The following SMARCA4 variants were observed in gnomAD, a reference collection of about 807,000 sequenced individuals.
The protein encoded by SMARCA4 is SWI/SNF-related matrix-associated actin-dependent regulator of chromatin subfamily A member 4.
SMARCA4 carries 31 observed loss-of-function variants against 193.9 expected under a neutral mutation model. The ratio of observed to expected loss-of-function variants is 0.16; its 90% CI spans 0.12 to 0.22. The LOEUF is 0.22. Ranked by LOEUF, SMARCA4 falls within the 10% of genes least tolerant of loss-of-function variation. The pLI, the probability that SMARCA4 is intolerant of heterozygous loss-of-function variation, is 1.00. For missense variants in SMARCA4, 1,148 were observed against 2,296.0 expected (o/e 0.50, Z 10.22); for synonymous variants, 942 against 933.1 (o/e 1.01, Z -0.17).
Position 11,030,323 on chromosome 19 carries a change from G to A in SMARCA4, c.3383-407G>A, listed in dbSNP as rs1399914296. Among the ~76,000 whole-genome samples the A allele has an allele frequency of 6.6e-6, 1 of 152,250 alleles. No homozygotes were observed. The highest frequency in any genetic ancestry group is 1.5e-5 in the Non-Finnish European group (1 of 68,050). ...GGTCCCTTGTGTTGCGAGCGGCGGTGTTGCCGGCATTGGCCGCTGTGTCTT... is the reference window on the plus strand; with the variant it reads ...GGTCCCTTGTGTTGCGAGCGGCGGTATTGCCGGCATTGGCCGCTGTGTCTT... On this transcript the variant is annotated intron_variant, in intron 24 of 34. Transcript: ENST00000344626. The surrounding 1 kb of genome is among the most constrained non-coding windows in gnomAD (Gnocchi z 5.5).
In SMARCA4 at chr19:10,985,071, C is replaced by T. The variant is rs1371358922; in HGVS notation, c.223-202C>T. Among the ~76,000 whole-genome samples, 1 of 152,154 alleles carries T rather than the reference C, an allele frequency of 6.6e-6. No individual in the cohort carries two copies. Among genetic ancestry groups the T allele is most frequent in the Admixed American group, 6.5e-5 (1 of 15,282 alleles). On this transcript the variant is annotated intron_variant, in intron 2 of 34. Transcript: ENST00000344626. The surrounding 1 kb of genome is among the most constrained non-coding windows in gnomAD (Gnocchi z 4.5). ...TCCCATATGCTCGTGCTCCACTGGG[C>T]GACATTTATTTTGTGTACCTGTCTC... is the stretch of plus-strand genomic sequence containing the variant.
chr19:11,060,694 T>C (rs2076815169), intron 34 of SMARCA4, among the ~76,000 whole-genome samples: 1 of 152,214 alleles, frequency 6.6e-6, no homozygotes, highest in East Asian at 1.9e-4. Context: ...CTCTGGCCCT[T>C]CCTGGCTGTG....
intron 8 of SMARCA4, among the ~76,000 whole-genome samples, chr19:10,992,049 T>A (rs1352285239): frequency 6.6e-6 from 1 of 151,678 alleles, no homozygotes; most frequent in East Asian, 1.9e-4. Context: ...AGATTTTCTA[T>A]AATTAATATC....
chr19:10,980,558 C>A (rs531719756), intron 1 of SMARCA4, among the ~76,000 whole-genome samples: 59 of 152,048 alleles, frequency 3.9e-4, no homozygotes, highest in African/African-American at 1.3e-3. Flanking sequence ...CGCTTGAACC[C>A]CGGGGACGGA....
intron 8 of SMARCA4, among the ~76,000 whole-genome samples, chr19:10,993,128 G>C (rs1391429669): frequency 6.6e-6 from 1 of 151,670 alleles, no homozygotes; most frequent in Non-Finnish European, 1.5e-5. Context: ...TGGAATTACA[G>C]GTGTGCACCA....
intron 1 of SMARCA4, among the ~76,000 whole-genome samples, chr19:10,972,448 T>C (rs1239941366): frequency 6.6e-6 from 1 of 152,018 alleles, no homozygotes; most frequent in African/African-American, 2.4e-5. Flanking sequence ...TATGTGACAT[T>C]GTGTCATGTT....
intron 15 of SMARCA4, chr19:11,012,225 T>G (rs546015350): frequency 6.5e-6 from 1 of 153,140 alleles, no homozygotes; most frequent in African/African-American, 2.4e-5. Context: ...TACAAAAAAT[T>G]AGCTGGGCAT....
At chr19:11,050,993 A>G (rs1473277285) in intron 30 of SMARCA4, among the ~76,000 whole-genome samples, 1 of 152,234 alleles carries the variant, frequency 6.6e-6, no homozygotes, top group Non-Finnish European at 1.5e-5. Flanking sequence ...ATGCCCACTT[A>G]TGGGCATAGG....
chr19:11,047,346 C>T (rs916848199), intron 30 of SMARCA4, among the ~76,000 whole-genome samples: 27 of 151,736 alleles, frequency 1.8e-4, no homozygotes, highest in Non-Finnish European at 3.7e-4. Flanking sequence ...TTGAAGACAG[C>T]GCTGATGTTC....
chr19:10,965,968 TG>T (rs2016157680), intron 1 of SMARCA4, among the ~76,000 whole-genome samples: 2 of 138,830 alleles, frequency 1.4e-5, no homozygotes, highest in East Asian at 2.2e-4. Context: ...TTTAGTGGCA[TG>T]GTTTTTTTTT....
At position 11,060,146 on chromosome 19, in the gene SMARCA4, C is replaced by T. The variant is rs1555796335; in HGVS notation, c.4870C>T (p.Pro1624Ser). Residue 1624 changes from proline to serine, a missense_variant, in exon 34 of 35, where the codon CCG (proline) becomes TCG (serine). Physicochemically the swap from Pro to Ser is moderately conservative, Grantham distance 74. Coordinates refer to ENST00000344626, the MANE Select transcript of SMARCA4 (RefSeq NM_003072.5). ...RRPSRGSRAKPVVSDDDSEEE... is the reference protein window; with the variant it reads ...RRPSRGSRAKSVVSDDDSEEE... The stretch of plus-strand genomic sequence containing the variant: ...GCCGAGCCGAGGGTCCCGAGCCAAG[C>T]CGGTCGTGAGTGACGATGACAGTGA... 1.3e-6 allele frequency: 2 copies of T among 1,551,186 alleles called. No homozygotes were observed. The highest frequency in any genetic ancestry group is 1.7e-6 in the Non-Finnish European group (2 of 1,146,708).
At chr19:10,972,887 G>C (rs1296086234) in intron 1 of SMARCA4, among the ~76,000 whole-genome samples, 7 of 152,180 alleles carry the variant, frequency 4.6e-5, no homozygotes, top group African/African-American at 1.7e-4. Flanking sequence ...AAAGTGGACG[G>C]ATCATCGGCT....
In SMARCA4 at chr19:11,060,067, C is replaced by A; in HGVS notation, c.4791C>A (p.Ile1597=). Residue 1597 remains isoleucine (I), a synonymous_variant, in exon 34 of 35, where the codon ATC becomes ATA. Coordinates refer to ENST00000344626, the MANE Select transcript of SMARCA4 (RefSeq NM_003072.5). ...ESESRSVKVK[I]KLGRKEKAQD... ...CAGCTCGGTCCGTCAAAGTGAAGATCAAGCTTGGCCGGAAGGAGAAGGCAC... is the reference window on the plus strand; with the variant it reads ...CAGCTCGGTCCGTCAAAGTGAAGATAAAGCTTGGCCGGAAGGAGAAGGCAC... 1.3e-6 allele frequency: 2 copies of A among 1,556,682 alleles called. No individual in the cohort carries two copies. The highest frequency in any genetic ancestry group is 1.2e-5 in the South Asian group (1 of 84,628).
intron 29 of SMARCA4, among the ~76,000 whole-genome samples, chr19:11,036,570 A>G (rs2075283507): frequency 6.6e-6 from 1 of 152,158 alleles, no homozygotes; most frequent in Non-Finnish European, 1.5e-5. Flanking sequence ...AGCCCTGCAT[A>G]TTTGAGGCAG....
chr19:10,992,445 A>G (rs1194353858), intron 8 of SMARCA4, among the ~76,000 whole-genome samples: 12 of 116,760 alleles, frequency 1.0e-4, no homozygotes, highest in African/African-American at 4.0e-4. Flanking sequence ...TTTTTTTGAG[A>G]TGGAGTTTCA....
At chr19:10,971,118 C>CCCT (rs1252352205) in intron 1 of SMARCA4, among the ~76,000 whole-genome samples, 1 of 152,148 alleles carries the variant, frequency 6.6e-6, no homozygotes, top group Admixed American at 6.5e-5. Context: ...ATCACTTGAA[C>CCCT]CCAGGAGGCA....
At chr19:10,967,183 A>G (rs2084287971) in intron 1 of SMARCA4, among the ~76,000 whole-genome samples, 1 of 152,122 alleles carries the variant, frequency 6.6e-6, no homozygotes, top group Non-Finnish European at 1.5e-5. Flanking sequence ...CATATATGGG[A>G]AAGGGCCTGG....
chr19:10,994,574 T>A (rs2086854275), intron 8 of SMARCA4, among the ~76,000 whole-genome samples: 1 of 151,998 alleles, frequency 6.6e-6, no homozygotes, highest in African/African-American at 2.4e-5. Context: ...CGCCTCAGCC[T>A]CCCAAAGTGC....
At chr19:10,966,158 A>G (rs991073079) in intron 1 of SMARCA4, among the ~76,000 whole-genome samples, 1 of 151,710 alleles carries the variant, frequency 6.6e-6, no homozygotes, top group Admixed American at 6.6e-5. Flanking sequence ...AATTTTTTGT[A>G]TATTTAGTAG....
Sources: allele counts gnomAD v4.1 joint callset (sites outside exome capture counted in the v4.1 genomes callset), GRCh38; gene constraint gnomAD v4.1.1; non-coding constraint Gnocchi (gnomAD v3.1); transcripts MANE v1.5; gene names NCBI Gene and HGNC (gene_info 2026-07-23, HGNC 2026-07-21).